Variants in SF3B2 observed in about 807,000 individuals in gnomAD.
The protein encoded by SF3B2 is splicing factor 3b subunit 2.
A neutral mutation model predicts 116.3 loss-of-function variants in SF3B2; 22 were observed. That is an observed-to-expected ratio of 0.19 (90% CI 0.14 to 0.27). The LOEUF is 0.27. Ranked by LOEUF, SF3B2 falls within the 10% of genes least tolerant of loss-of-function variation. The probability of loss-of-function intolerance (pLI) is 1.00; values close to 1 mark genes in which losing one functional copy is unlikely to be tolerated. For missense variants in SF3B2, 767 were observed against 1,151.4 expected (o/e 0.67, Z 4.83); for synonymous variants, 406 against 421.6 (o/e 0.96, Z 0.45).
rs1247404730 is a variant in SF3B2, at chr11:66,057,989, A to G, written c.778-65A>G. 4.0e-6 allele frequency: 5 copies of G among 1,245,164 alleles called. No homozygotes were observed. In the Admixed American group the frequency reaches 1.1e-4, roughly 26 times the overall value. The allele number at this position is 1,245,164 out of a possible 1,614,324, so 77.1% of individuals were successfully genotyped here. On this transcript the variant is annotated intron_variant, in intron 7 of 21. Transcript: ENST00000322535. Reference sequence around the variant, plus strand: ...CTCCGTCTCAAAAAAAAAAAAAAGAAAGAAAGAAAAAAAAAAGAAAAAGGG... The same window carrying G: ...CTCCGTCTCAAAAAAAAAAAAAAGAGAGAAAGAAAAAAAAAAGAAAAAGGG...
chr11:66,063,996 C>T (rs1180199692), intron 19 of SF3B2, among the ~76,000 whole-genome samples: 1 of 152,098 alleles, frequency 6.6e-6, no homozygotes, highest in Non-Finnish European at 1.5e-5. Flanking sequence ...GAAGGCCTCA[C>T]TGGGGAGGTG....
chr11:66,059,001 G>A lies in SF3B2; in HGVS notation c.1138G>A (p.Glu380Lys), dbSNP rs774240168. The change falls in exon 10 of 22, where the codon GAG becomes AAG. Residue 380 changes from glutamate to lysine, a missense_variant. Glu to Lys is a moderately conservative substitution (Grantham distance 56). Transcript: ENST00000322535. This position sits in a 1 kb window ranked among gnomAD's most constrained non-coding sequence, Gnocchi z 5.0. ...TGTGACTGAAGAACCTGAAATTTAC[G>A]AGCCCAACTTTATCTTCTTTAAGAG... ...EYVTEEPEIYEPNFIFFKRIF... is the reference protein window; with the variant it reads ...EYVTEEPEIYKPNFIFFKRIF... 2.5e-6 allele frequency: 4 copies of A among 1,614,096 alleles called. No individual in the cohort carries two copies. Among genetic ancestry groups the A allele is most frequent in the South Asian group, 1.1e-5 (1 of 91,080 alleles).
chr11:66,059,081 A>G lies in SF3B2; in HGVS notation c.1182+36A>G. ...AGCACACTAGGAAGGGGCAGTGCCA[A>G]ACAGGGAAGGGGCTCAGAGGTGGGT... On this transcript the variant is annotated intron_variant, in intron 10 of 21. Transcript: ENST00000322535. This position sits in a 1 kb window ranked among gnomAD's most constrained non-coding sequence, Gnocchi z 5.0. 1 of 1,610,014 alleles carries G rather than the reference A, an allele frequency of 6.2e-7. No individual in the cohort carries two copies. Among genetic ancestry groups the G allele is most frequent in the South Asian group, 1.1e-5 (1 of 90,954 alleles).
rs11227389 is a variant in SF3B2 at position 66,052,762 on chromosome 11, C to T, written c.180+43C>T. 7.8e-6 allele frequency: 12 copies of T among 1,532,506 alleles called. No homozygotes were observed. In the East Asian group the frequency reaches 2.5e-4, roughly 32 times the overall value. 94.9% of individuals were successfully genotyped at this position (1,532,506 alleles called of 1,614,324 possible). On this transcript the variant is annotated intron_variant, in intron 2 of 21. Transcript: ENST00000322535. ...GACGTCAGGATAGGCCGAGCTTCTC[C>T]AGGAGACCTTATATACCCCATCACG...
At chr11:66,052,576 T>C in intron 1 of SF3B2, 59 bp downstream of exon 1, 1 of 1,594,076 alleles carries the variant, frequency 6.3e-7, no homozygotes, top group Non-Finnish European at 8.6e-7. Context: ...GGAGCCTGGT[T>C]ACCCGGGAGA....
At chr11:66,068,549 A>G in intron 21 of SF3B2, 125 bp from the exon 22 acceptor site, 1 of 914,526 alleles carries the variant, frequency 1.1e-6, no homozygotes, top group Non-Finnish European at 1.7e-6. Context: ...AGGGAGCTCG[A>G]AGAGAATTCA....
Position 66,052,654 on chromosome 11 carries a change from C to G in SF3B2, c.134-19C>G. 1 of 1,597,598 alleles carries G rather than the reference C, an allele frequency of 6.3e-7. No individual in the cohort carries two copies. Among genetic ancestry groups the G allele is most frequent in the South Asian group, 1.1e-5 (1 of 88,908 alleles). ...GGCCGGGCTGGCCTGCCCCATTGAT[C>G]GTGTACTTTGCCCTGCAGGTAATCG... On this transcript the variant is annotated intron_variant, in intron 1 of 21. Transcript: ENST00000322535.
intron 19 of SF3B2, among the ~76,000 whole-genome samples, chr11:66,064,112 C>A (rs920942422): frequency 1.3e-5 from 2 of 152,158 alleles, no homozygotes; most frequent in Admixed American, 6.5e-5. Context: ...CAGGGATGGG[C>A]TAGTATTTTG....
intron 21 of SF3B2, 106 bp from the exon 22 acceptor site, chr11:66,068,568 G>A (rs1031250368): frequency 3.8e-5 from 39 of 1,020,752 alleles, no homozygotes; most frequent in Non-Finnish European, 5.8e-5. Flanking sequence ...CAGATTCAGC[G>A]CCTTTCCCAC....
chr11:66,063,062 G>A lies in SF3B2; in HGVS notation c.2031G>A (p.Glu677=). 6.2e-7 allele frequency: 1 copy of A among 1,614,128 alleles called. No homozygotes were observed. The part of the protein sequence containing the change: ...AGGWGKPPVD[E]TGKPLYGDVF... The stretch of plus-strand genomic sequence containing the variant: ...GCTGGGGCAAACCTCCAGTGGATGA[G>A]ACTGGGAAACCGCTCTATGGGGACG... The change falls in exon 17 of 22, where the codon GAG becomes GAA. Residue 677 remains glutamate (E), a synonymous_variant. Transcript: ENST00000322535.
chr11:66,058,518 C>T (rs971597984), intron 9 of SF3B2, 113 bp downstream of exon 9: 6 of 792,072 alleles, frequency 7.6e-6, no homozygotes, highest in South Asian at 1.6e-5. Context: ...TGCCAATTTC[C>T]GCCCTCAGCA....
chr11:66,055,667 G>A (rs1297996382), intron 5 of SF3B2, 82 bp downstream of exon 5: 2 of 1,278,932 alleles, frequency 1.6e-6, no homozygotes, highest in African/African-American at 3.0e-5. Flanking sequence ...CACCATTCAA[G>A]TTTTCCCTGG....
At chr11:66,056,613 C>T (rs2302884) in intron 5 of SF3B2, among the ~76,000 whole-genome samples, 34,423 of 151,908 alleles carry the variant, frequency 0.23, 4,077 homozygotes, top group Middle Eastern at 0.34. Context: ...CAGAAGTTTC[C>T]TGGGGTTTTC....
intron 14 of SF3B2, 107 bp from the exon 15 acceptor site, chr11:66,061,579 T>C: frequency 3.6e-6 from 3 of 824,382 alleles, no homozygotes; most frequent in Non-Finnish European, 6.2e-6. Flanking sequence ...AGAATCAGAG[T>C]GGGAGCCAGG....
chr11:66,055,593 C>A lies in SF3B2; in HGVS notation c.549+8C>A, dbSNP rs1358962699. On this transcript the variant is annotated splice_region_variant and intron_variant, in intron 5 of 21. Coordinates refer to ENST00000322535, the MANE Select transcript of SF3B2 (RefSeq NM_006842.3). ...TTGGAGCAGCAGAAGCGGGTAATACCCCTCCCCCTAACCTTTGACCTCGTG... is the reference window on the plus strand; with the variant it reads ...TTGGAGCAGCAGAAGCGGGTAATACACCTCCCCCTAACCTTTGACCTCGTG... 3.1e-6 allele frequency: 5 copies of A among 1,613,768 alleles called. No individual in the cohort carries two copies. The highest frequency in any genetic ancestry group is 4.2e-6 in the Non-Finnish European group (5 of 1,179,714).
In SF3B2 at chr11:66,060,736, G is replaced by A. The variant is rs1363757213; in HGVS notation, c.1779+5G>A. The A allele has an allele frequency of 7.4e-6, 12 of 1,614,112 alleles. No homozygotes were observed. The highest frequency in any genetic ancestry group is 1.6e-4 in the Middle Eastern group (1 of 6,062). ...CATGGGGACCTGTACTATGAGGTTCGGGAGGGGGCTGGGAGAGGTCAGGCT... is the reference window on the plus strand; with the variant it reads ...CATGGGGACCTGTACTATGAGGTTCAGGAGGGGGCTGGGAGAGGTCAGGCT... On this transcript the variant is annotated splice_donor_5th_base_variant and intron_variant, in intron 14 of 21. Coordinates refer to ENST00000322535, the MANE Select transcript of SF3B2 (RefSeq NM_006842.3).
In SF3B2 at chr11:66,059,174, G is replaced by C; in HGVS notation, c.1183-27G>C. ...GAACTGGGAAGGGGCTCAGAGGGCAGGGGTTTCACCTTGTCTGCCTCCTTA... is the reference window on the plus strand; with the variant it reads ...GAACTGGGAAGGGGCTCAGAGGGCACGGGTTTCACCTTGTCTGCCTCCTTA... On this transcript the variant is annotated intron_variant, in intron 10 of 21. Coordinates refer to ENST00000322535, the MANE Select transcript of SF3B2 (RefSeq NM_006842.3). The surrounding 1 kb of genome is among the most constrained non-coding windows in gnomAD (Gnocchi z 5.0). 1 of 1,613,974 alleles carries C rather than the reference G, an allele frequency of 6.2e-7. No individual in the cohort carries two copies.
chr11:66,053,221 G>C lies in SF3B2; in HGVS notation c.258+117G>C, dbSNP rs1212276549. On this transcript the variant is annotated intron_variant, in intron 3 of 21. Coordinates refer to ENST00000322535, the MANE Select transcript of SF3B2 (RefSeq NM_006842.3). ...GATGTGACACCCTTGCACATTACTC[G>C]CCTGACCTGAGTGGGGAAAAAAAAA... 7.2e-6 allele frequency: 7 copies of C among 967,994 alleles called. No homozygotes were observed. In the Admixed American group the frequency reaches 1.3e-4, roughly 17 times the overall value. The allele number at this position is 967,994 out of a possible 1,614,324, so 60.0% of individuals were successfully genotyped here. A position where few individuals can be genotyped will look rare whatever the true frequency, so the allele number is the denominator to read the frequency against.
rs778926706 is a variant in SF3B2, at chr11:66,059,008, A to G, written c.1145A>G (p.Asn382Ser). 9.3e-6 allele frequency: 15 copies of G among 1,614,132 alleles called. No individual in the cohort carries two copies. Among genetic ancestry groups the G allele is most frequent in the Non-Finnish European group, 1.1e-5 (13 of 1,180,016 alleles). ...GAAGAACCTGAAATTTACGAGCCCA[A>G]CTTTATCTTCTTTAAGAGGATCTTT... ...VTEEPEIYEPNFIFFKRIFEA... is the reference protein window; with the variant it reads ...VTEEPEIYEPSFIFFKRIFEA... Residue 382 changes from asparagine to serine, a missense_variant, in exon 10 of 22, where the codon AAC (asparagine) becomes AGC (serine). Transcript: ENST00000322535. This position sits in a 1 kb window ranked among gnomAD's most constrained non-coding sequence, Gnocchi z 5.0.
Sources: allele counts gnomAD v4.1 joint callset (sites outside exome capture counted in the v4.1 genomes callset), GRCh38; gene constraint gnomAD v4.1.1; non-coding constraint Gnocchi (gnomAD v3.1); transcripts MANE v1.5; gene names NCBI Gene and HGNC (gene_info 2026-07-23, HGNC 2026-07-21).